The following UBE2E2 variants were observed in gnomAD, a reference collection of about 807,000 sequenced individuals.
The protein encoded by UBE2E2 is ubiquitin conjugating enzyme E2 E2.
A neutral mutation model predicts 24.7 loss-of-function variants in UBE2E2; 6 were observed. The ratio of observed to expected loss-of-function variants is 0.24; its 90% confidence interval spans 0.13 to 0.48. UBE2E2 has a LOEUF of 0.48. UBE2E2 is among the 20% of genes least tolerant of loss of function. The pLI is 0.99. For synonymous variants in UBE2E2, 104 were observed against 83.6 expected (o/e 1.24, Z -1.33); for missense variants, 169 against 245.0 (o/e 0.69, Z 2.07).
rs1455194534 is a variant in UBE2E2, at chr3:23,460,304, T to G, written c.228-39304T>G. Among the ~76,000 whole-genome samples the G allele has an allele frequency of 2.0e-5, 3 of 152,208 alleles. No homozygotes were observed. In the East Asian group the frequency reaches 5.8e-4, roughly 29 times the overall value. On this transcript the variant is annotated intron_variant, in intron 3 of 5. Coordinates refer to ENST00000396703, the MANE Select transcript of UBE2E2 (RefSeq NM_152653.4). ...ACATCTCTGCCAAATCACAACTACCTTAAGTGAGCTTGTGAAAATGCGCTT... is the reference window on the plus strand; with the variant it reads ...ACATCTCTGCCAAATCACAACTACCGTAAGTGAGCTTGTGAAAATGCGCTT...
At chr3:23,348,786 T>C (rs1021804661) in intron 3 of UBE2E2, among the ~76,000 whole-genome samples, 1 of 151,234 alleles carries the variant, frequency 6.6e-6, no homozygotes, top group Non-Finnish European at 1.5e-5. Context: ...AACTGCAGGC[T>C]GTTGCTAGGG....
chr3:23,495,536 G>A (rs1699581767), intron 3 of UBE2E2, among the ~76,000 whole-genome samples: 3 of 152,176 alleles, frequency 2.0e-5, no homozygotes, highest in African/African-American at 4.8e-5. Context: ...GCTCACCTGT[G>A]TGTACTTTTT....
intron 5 of UBE2E2, among the ~76,000 whole-genome samples, chr3:23,545,326 T>C (rs1472437383): frequency 1.3e-5 from 2 of 152,230 alleles, no homozygotes; most frequent in African/African-American, 4.8e-5. Context: ...CAGAGGTCCC[T>C]GTGGCCTTCC....
At chr3:23,361,538 G>T (rs1233179710) in intron 3 of UBE2E2, among the ~76,000 whole-genome samples, 1 of 152,182 alleles carries the variant, frequency 6.6e-6, no homozygotes, top group Non-Finnish European at 1.5e-5. Context: ...CAACTTAGAT[G>T]GAGCTGGTGG....
intron 3 of UBE2E2, among the ~76,000 whole-genome samples, chr3:23,414,849 C>G (rs1697585427): frequency 6.6e-6 from 1 of 152,156 alleles, no homozygotes; most frequent in African/African-American, 2.4e-5. Context: ...AGGAACAGGC[C>G]TCACCACATA....
chr3:23,525,146 A>G (rs1575685217), intron 4 of UBE2E2, among the ~76,000 whole-genome samples: 2 of 152,012 alleles, frequency 1.3e-5, no homozygotes, highest in East Asian at 3.9e-4. Flanking sequence ...CCTACTACTG[A>G]CCCTGATCCT....
At chr3:23,295,836 A>G (rs775014470) in intron 3 of UBE2E2, among the ~76,000 whole-genome samples, 12 of 152,188 alleles carry the variant, frequency 7.9e-5, no homozygotes, top group Non-Finnish European at 1.3e-4. Flanking sequence ...TAATTTGTAT[A>G]TATATTGTTG....
intron 3 of UBE2E2, among the ~76,000 whole-genome samples, chr3:23,385,701 A>G (rs1478170759): frequency 6.6e-6 from 1 of 152,196 alleles, no homozygotes; most frequent in African/African-American, 2.4e-5. Flanking sequence ...GTCCTACATC[A>G]TGGAATGCAA....
intron 4 of UBE2E2, among the ~76,000 whole-genome samples, chr3:23,527,819 A>G (rs1695033920): frequency 6.7e-6 from 1 of 148,188 alleles, no homozygotes; most frequent in Non-Finnish European, 1.5e-5. Flanking sequence ...TACCACCCCC[A>G]CCACCCCACC....
intron 3 of UBE2E2, among the ~76,000 whole-genome samples, chr3:23,494,998 C>T (rs1254045494): frequency 1.3e-5 from 2 of 152,114 alleles, no homozygotes; most frequent in African/African-American, 4.8e-5. Context: ...TGGTCTCAAA[C>T]TCCTGGCCTC....
chr3:23,414,870 T>C (rs1460175044), intron 3 of UBE2E2, among the ~76,000 whole-genome samples: 1 of 152,178 alleles, frequency 6.6e-6, no homozygotes, highest in African/African-American at 2.4e-5. Context: ...CAGAATCTGC[T>C]CATGTCTTGA....
intron 3 of UBE2E2, among the ~76,000 whole-genome samples, chr3:23,313,008 C>T (rs1466299217): frequency 6.6e-6 from 1 of 151,942 alleles, no homozygotes; most frequent in Non-Finnish European, 1.5e-5. Flanking sequence ...GTTTTGTGGC[C>T]TTACATATGT....
intron 3 of UBE2E2, among the ~76,000 whole-genome samples, chr3:23,295,657 C>CA (rs1698889012): frequency 6.6e-6 from 1 of 152,182 alleles, no homozygotes; most frequent in African/African-American, 2.4e-5. Flanking sequence ...GGAATACCTA[C>CA]ACGAGAGGGA....
At chr3:23,260,476 A>G (rs967911762) in intron 3 of UBE2E2, among the ~76,000 whole-genome samples, 6 of 152,210 alleles carry the variant, frequency 3.9e-5, no homozygotes, top group African/African-American at 1.4e-4. Flanking sequence ...ACAGCAAGAC[A>G]GTATCTCATG....
intron 3 of UBE2E2, among the ~76,000 whole-genome samples, chr3:23,224,682 C>G (rs976274523): frequency 3.3e-5 from 5 of 152,074 alleles, no homozygotes; most frequent in African/African-American, 1.2e-4. Context: ...TTTGTTCCTA[C>G]TTGTTACCAA....
chr3:23,393,173 T>C (rs1040475547), intron 3 of UBE2E2, among the ~76,000 whole-genome samples: 13 of 151,944 alleles, frequency 8.6e-5, no homozygotes, highest in African/African-American at 3.1e-4. Context: ...TGGACTAAGG[T>C]GGGAAACAGA....
chr3:23,436,747 C>T (rs749219196), intron 3 of UBE2E2, among the ~76,000 whole-genome samples: 30 of 152,164 alleles, frequency 2.0e-4, no homozygotes, highest in Non-Finnish European at 2.8e-4. Context: ...TAAGTTCCCC[C>T]TCTGCAGCCA....
At chr3:23,286,560 G>C (rs917281840) in intron 3 of UBE2E2, among the ~76,000 whole-genome samples, 1 of 152,186 alleles carries the variant, frequency 6.6e-6, no homozygotes, top group African/African-American at 2.4e-5. Flanking sequence ...GAGCTCTGTA[G>C]TATAATTTGA....
chr3:23,285,686 T>A (rs1242855996), intron 3 of UBE2E2, among the ~76,000 whole-genome samples: 1 of 152,214 alleles, frequency 6.6e-6, no homozygotes, highest in East Asian at 1.9e-4. Flanking sequence ...TTGAGAGACA[T>A]CTATTCAGAT....
Sources: allele counts gnomAD v4.1 joint callset (sites outside exome capture counted in the v4.1 genomes callset), GRCh38; gene constraint gnomAD v4.1.1; transcripts MANE v1.5; gene names NCBI Gene and HGNC (gene_info 2026-07-23, HGNC 2026-07-21).